The following ALK variants were observed in gnomAD, a reference collection of about 807,000 sequenced individuals.
The protein encoded by ALK is ALK receptor tyrosine kinase.
In ALK, 74 loss-of-function variants were observed where a neutral mutation model predicts 163.1. The observed-to-expected ratio is 0.45, with a 90% CI of 0.38 to 0.55. The LOEUF is 0.55. Ranked by LOEUF, ALK falls within the 20% of genes least tolerant of loss-of-function variation. The probability of loss-of-function intolerance (pLI) is 0.00; values close to 1 mark genes in which losing one functional copy is unlikely to be tolerated. For missense variants in ALK, 2,063 were observed against 2,105.3 expected, an observed-to-expected ratio of 0.98 and a Z score of 0.39; for synonymous variants, 960 against 843.2, an observed-to-expected ratio of 1.14 and a Z score of -2.40.
chr2:29,637,809 A>T (rs748699132), intron 3 of ALK, among the ~76,000 whole-genome samples: 14 of 151,976 alleles, frequency 9.2e-5, no homozygotes, highest in Non-Finnish European at 1.9e-4. Flanking sequence ...TTATGTTTTC[A>T]AGATATTACT....
intron 5 of ALK, among the ~76,000 whole-genome samples, chr2:29,374,735 G>A (rs1036318596): frequency 6.6e-6 from 1 of 152,202 alleles, no homozygotes; most frequent in Non-Finnish European, 1.5e-5. Context: ...AGATCTCAGT[G>A]GCTGATGAAA....
chr2:29,452,043 G>A (rs11686752), intron 4 of ALK, among the ~76,000 whole-genome samples: 11,613 of 152,254 alleles, frequency 0.076, 563 homozygotes, highest in Non-Finnish European at 0.11. Context: ...GACATGGCTA[G>A]TGACTACCCT....
intron 4 of ALK, among the ~76,000 whole-genome samples, chr2:29,481,522 A>G (rs972454466): frequency 7.9e-5 from 12 of 152,166 alleles, no homozygotes; most frequent in Non-Finnish European, 1.8e-4. Context: ...TAACTGATTA[A>G]TGTGCTTCTG....
At chr2:29,338,384 T>C (rs1667688993) in intron 5 of ALK, among the ~76,000 whole-genome samples, 1 of 152,218 alleles carries the variant, frequency 6.6e-6, no homozygotes, top group Non-Finnish European at 1.5e-5. Flanking sequence ...CCTTTGCTGG[T>C]TTCTGTAGCA....
chr2:29,315,530 G>A (rs1243328054), intron 8 of ALK, among the ~76,000 whole-genome samples: 1 of 152,118 alleles, frequency 6.6e-6, no homozygotes, highest in African/African-American at 2.4e-5. Flanking sequence ...AGTCACAATT[G>A]GCAAGCACAC....
rs192901051 is a variant in ALK at position 29,469,020 on chromosome 2, G to C, written c.1154+62895C>G. Among the ~76,000 whole-genome samples the C allele has an allele frequency of 2.0e-5, 3 of 152,164 alleles. No homozygotes were observed. The East Asian group carries it at 5.8e-4, about 29-fold the overall frequency. ...GATATAAATAACACTCACATGCTTG[G>C]TGTTCCAATAATGGAACACTAGGCA... is the stretch of plus-strand genomic sequence containing the variant. On this transcript the variant is annotated intron_variant, in intron 4 of 28. Coordinates refer to ENST00000389048, the MANE Select transcript of ALK (RefSeq NM_004304.5).
chr2:29,208,718 G>A (rs1669381320), intron 25 of ALK, among the ~76,000 whole-genome samples: 1 of 152,066 alleles, frequency 6.6e-6, no homozygotes, highest in Non-Finnish European at 1.5e-5. Flanking sequence ...TCCCCAAAGA[G>A]TTAAAGCTCC....
intron 2 of ALK, among the ~76,000 whole-genome samples, chr2:29,696,871 T>G (rs111869991): frequency 6.6e-6 from 1 of 151,086 alleles, no homozygotes; most frequent in Non-Finnish European, 1.5e-5. Context: ...TTAGAGCAAG[T>G]GCTCTCTCCT....
intron 1 of ALK, among the ~76,000 whole-genome samples, chr2:29,905,074 C>G (rs979747901): frequency 6.6e-6 from 1 of 152,194 alleles, no homozygotes; most frequent in Non-Finnish European, 1.5e-5. Flanking sequence ...GTTGTGGGTC[C>G]TTCTCCAGAT....
chr2:29,560,054 T>C (rs998788349), intron 3 of ALK, among the ~76,000 whole-genome samples: 1 of 152,182 alleles, frequency 6.6e-6, no homozygotes, highest in African/African-American at 2.4e-5. Flanking sequence ...CCTAAAATAT[T>C]AAGCATGTGG....
At position 29,264,446 on chromosome 2, in the gene ALK, C is replaced by A. The variant is rs75253138; in HGVS notation, c.2041+10653G>T. ...GCCACCACCACCCCTGTCCCCTTGA[C>A]CTGCTTTACTATTTTCACGGCATAT... On this transcript the variant is annotated intron_variant, in intron 11 of 28. Transcript: ENST00000389048. Among the ~76,000 whole-genome samples, 1,417 of 152,336 alleles carry A rather than the reference C, an allele frequency of 9.3e-3. 34 individuals carry two copies. Among genetic ancestry groups the A allele is most frequent in the African/African-American group, 0.032 (1,324 of 41,564 alleles).
chr2:29,299,671 G>A (rs1489499743), intron 8 of ALK, among the ~76,000 whole-genome samples: 6 of 152,240 alleles, frequency 3.9e-5, no homozygotes, highest in Admixed American at 2.0e-4. Context: ...AAAGGGAAGT[G>A]TAAGAGCACA....
intron 1 of ALK, among the ~76,000 whole-genome samples, chr2:29,836,908 A>G (rs1339537787): frequency 2.0e-5 from 3 of 152,212 alleles, no homozygotes; most frequent in Non-Finnish European, 4.4e-5. Flanking sequence ...TCAAGATAAA[A>G]TAACTGGTAC....
intron 3 of ALK, among the ~76,000 whole-genome samples, chr2:29,653,878 A>G (rs1047999793): frequency 6.6e-6 from 1 of 152,094 alleles, no homozygotes; most frequent in African/African-American, 2.4e-5. Context: ...CCTGTCCAAC[A>G]TGGCAAAACC....
rs1047763580 is a variant in ALK at position 29,477,148 on chromosome 2, C to T, written c.1154+54767G>A. Among the ~76,000 whole-genome samples the T allele has an allele frequency of 5.3e-5, 8 of 152,070 alleles. No homozygotes were observed. In the South Asian group the frequency reaches 1.0e-3, roughly 20 times the overall value. ...GTGCAGGCTGGGTAAGATTTGGGCA[C>T]GTGAATAGGAGCCAAGAGATACTTC... On this transcript the variant is annotated intron_variant, in intron 4 of 28. Transcript: ENST00000389048.
chr2:29,430,734 A>G (rs755728743), intron 4 of ALK, among the ~76,000 whole-genome samples: 2 of 152,248 alleles, frequency 1.3e-5, no homozygotes, highest in Non-Finnish European at 2.9e-5. Flanking sequence ...AGAGCAATTA[A>G]TGAATACTGT....
intron 1 of ALK, among the ~76,000 whole-genome samples, chr2:29,751,180 G>A: frequency 6.7e-6 from 1 of 149,074 alleles, no homozygotes; most frequent in East Asian, 1.9e-4. Context: ...AATGAAGCTT[G>A]CCTGGACTGA....
chr2:29,387,333 G>T (rs567669931), intron 4 of ALK, among the ~76,000 whole-genome samples: 2 of 152,264 alleles, frequency 1.3e-5, no homozygotes, highest in Non-Finnish European at 2.9e-5. Context: ...CTCCAACTTT[G>T]CATGAATTTT....
chr2:29,226,074 T>G (rs541539346), intron 18 of ALK, among the ~76,000 whole-genome samples: 2 of 151,852 alleles, frequency 1.3e-5, no homozygotes, highest in South Asian at 4.2e-4. Flanking sequence ...ACATCGATAG[T>G]GGAACACATG....
Sources: gnomAD v4.1 joint callset for allele counts (sites outside exome capture counted in the v4.1 genomes callset) on GRCh38, gnomAD v4.1.1 for gene constraint, MANE v1.5 for transcripts, NCBI Gene and HGNC (gene_info 2026-07-23, HGNC 2026-07-21) for gene names.